RAMP1: variants seen among roughly 807,000 people sequenced by gnomAD.
RAMP1 encodes the protein receptor activity modifying protein 1.
Under a neutral mutation model 8.2 loss-of-function variants are expected in RAMP1, and 7 were observed. That is an observed-to-expected ratio of 0.85 (90% CI 0.49 to 1.60). RAMP1 has a LOEUF of 1.60. Ranked by LOEUF, RAMP1 falls within the 40% of genes most tolerant of loss-of-function variation. The probability of loss-of-function intolerance (pLI) is 0.00; values close to 1 mark genes in which losing one functional copy is unlikely to be tolerated. For missense variants in RAMP1, 192 were observed against 202.4 expected, an observed-to-expected ratio of 0.95 and a Z score of 0.31; for synonymous variants, 92 against 84.7, an observed-to-expected ratio of 1.09 and a Z score of -0.47.
chr2:237,860,336 T>C (rs2062120541), intron 1 of RAMP1, among the ~76,000 whole-genome samples: 1 of 152,246 alleles, frequency 6.6e-6, no homozygotes, highest in Non-Finnish European at 1.5e-5. Flanking sequence ...TTCTTTTTTC[T>C]TTTGGTTTGC....
chr2:237,876,822 A>G (rs1199767102), intron 1 of RAMP1, among the ~76,000 whole-genome samples: 1 of 152,102 alleles, frequency 6.6e-6, no homozygotes, highest in Non-Finnish European at 1.5e-5. Context: ...AGATAGTCAG[A>G]CAGGAGATGT....
chr2:237,889,237 C>G (rs931550727), intron 2 of RAMP1, among the ~76,000 whole-genome samples: 1 of 152,194 alleles, frequency 6.6e-6, no homozygotes, highest in Non-Finnish European at 1.5e-5. Flanking sequence ...GTGTGACCTC[C>G]GCACAGCTGT....
chr2:237,863,291 A>G (rs2062149498), intron 1 of RAMP1, among the ~76,000 whole-genome samples: 1 of 152,132 alleles, frequency 6.6e-6, no homozygotes, highest in Admixed American at 6.5e-5. Flanking sequence ...TTGGTGGCAA[A>G]TGAAGAGGCA....
chr2:237,861,886 C>A (rs1360669523), intron 1 of RAMP1, among the ~76,000 whole-genome samples: 2 of 151,750 alleles, frequency 1.3e-5, no homozygotes, highest in Non-Finnish European at 2.9e-5. Context: ...ATATATAGTT[C>A]TTTTCCCTCT....
intron 1 of RAMP1, among the ~76,000 whole-genome samples, chr2:237,875,260 C>T (rs2062290180): frequency 6.6e-6 from 1 of 152,144 alleles, no homozygotes; most frequent in South Asian, 2.1e-4. Flanking sequence ...GGGGTGCATC[C>T]ACAGCGGGCC....
chr2:237,886,429 CACCT>C (rs1385669963), intron 2 of RAMP1, among the ~76,000 whole-genome samples: 2 of 152,152 alleles, frequency 1.3e-5, no homozygotes, highest in African/African-American at 4.8e-5. Flanking sequence ...GATCTGATGA[CACCT>C]GCCTGCTGGG....
At chr2:237,871,215 A>C (rs568479295) in intron 1 of RAMP1, among the ~76,000 whole-genome samples, 114 of 152,328 alleles carry the variant, frequency 7.5e-4, no homozygotes, top group African/African-American at 2.6e-3. Flanking sequence ...TGCCAGAGAA[A>C]GGAGAGCACC....
intron 2 of RAMP1, among the ~76,000 whole-genome samples, chr2:237,902,519 C>T (rs543211494): frequency 6.6e-6 from 1 of 152,034 alleles, no homozygotes; most frequent in Non-Finnish European, 1.5e-5. Flanking sequence ...CCCCCAGGGC[C>T]CACCCCGCAC....
At chr2:237,886,186 G>T (rs2062430885) in intron 2 of RAMP1, among the ~76,000 whole-genome samples, 1 of 152,142 alleles carries the variant, frequency 6.6e-6, no homozygotes, top group African/African-American at 2.4e-5. Flanking sequence ...GCAGTGGCTG[G>T]GGATATGCCG....
At chr2:237,881,498 AC>A (rs1406514858) in intron 2 of RAMP1, among the ~76,000 whole-genome samples, 5 of 152,238 alleles carry the variant, frequency 3.3e-5, no homozygotes, top group African/African-American at 1.2e-4. Context: ...AGGTTTTGCA[AC>A]GTCCCTCCAG....
At chr2:237,902,677 G>A (rs890314201) in intron 2 of RAMP1, among the ~76,000 whole-genome samples, 12 of 152,256 alleles carry the variant, frequency 7.9e-5, no homozygotes, top group East Asian at 5.8e-4. Context: ...CCCATGAGCC[G>A]CTGTCACCAG....
In RAMP1 at chr2:237,894,175, T is replaced by G. The variant is rs1211675681; in HGVS notation, c.191+16813T>G. 1.3e-5 allele frequency among the ~76,000 whole-genome samples: 2 copies of G among 151,974 alleles called. 1 individual carries two copies. Among genetic ancestry groups the G allele is most frequent in the Non-Finnish European group, 2.9e-5 (2 of 67,996 alleles). On this transcript the variant is annotated intron_variant, in intron 2 of 2. Transcript: ENST00000254661. ...TAGTAGAGACAGGATTTCGCCATGT[T>G]GCCCAGGCTGGTCTTGAACTCCTGA...
chr2:237,865,408 A>G lies in RAMP1; in HGVS notation c.52+5681A>G, dbSNP rs1298406326. The stretch of plus-strand genomic sequence containing the variant: ...ACCCCAGGCCACAGCCAGGGCTGCC[A>G]GGAAACATGGGAGCCCCAGGCAAAC... On this transcript the variant is annotated intron_variant, in intron 1 of 2. Coordinates refer to ENST00000254661, the MANE Select transcript of RAMP1 (RefSeq NM_005855.4). This position sits in a 1 kb window ranked among gnomAD's most constrained non-coding sequence, Gnocchi z 4.2. 6.6e-6 allele frequency among the ~76,000 whole-genome samples: 1 copy of G among 152,014 alleles called. No individual in the cohort carries two copies. Among genetic ancestry groups the G allele is most frequent in the Non-Finnish European group, 1.5e-5 (1 of 67,974 alleles).
chr2:237,911,302 G>A (rs528244194), intron 2 of RAMP1, among the ~76,000 whole-genome samples: 213 of 152,348 alleles, frequency 1.4e-3, no homozygotes, highest in African/African-American at 4.7e-3. Context: ...CCACGGCCAC[G>A]CCAGGGCTTC....
At position 237,878,229 on chromosome 2, in the gene RAMP1, C is replaced by A. The variant is rs567698646; in HGVS notation, c.191+867C>A. ...CGCAGCGCAAGTCCTGGTGCCCCAC[C>A]GATGACAAGCGCTTTCCCCAGTGCC... On this transcript the variant is annotated intron_variant, in intron 2 of 2. Transcript: ENST00000254661. The surrounding 1 kb of genome is among the most constrained non-coding windows in gnomAD (Gnocchi z 5.7). The A allele has an allele frequency of 3.7e-5, 35 of 953,874 alleles. 1 individual carries two copies. The Admixed American group carries it at 2.2e-3, about 59-fold the overall frequency. The allele number at this position is 953,874 out of a possible 1,614,324, so 59.1% of individuals were successfully genotyped here. A position where few individuals can be genotyped will look rare whatever the true frequency, so the allele number is the denominator to read the frequency against.
intron 2 of RAMP1, among the ~76,000 whole-genome samples, chr2:237,892,575 A>G (rs979134389): frequency 1.3e-5 from 2 of 152,008 alleles, no homozygotes; most frequent in Admixed American, 6.6e-5. Context: ...TTTCTCTTCT[A>G]TTATTACTGA....
At position 237,897,747 on chromosome 2, in the gene RAMP1, ATTC is replaced by A. The variant is rs573487773; in HGVS notation, c.192-13775_192-13773del. On this transcript the variant is annotated intron_variant, in intron 2 of 2. Coordinates refer to ENST00000254661, the MANE Select transcript of RAMP1 (RefSeq NM_005855.4). The stretch of plus-strand genomic sequence containing the variant: ...AACACATGCTCTCGTGGATGCTGTC[ATTC>A]TTCTTTTTTTGTTTGTTTTGGTTTT... Among the ~76,000 whole-genome samples the A allele has an allele frequency of 2.4e-3, 343 of 141,478 alleles. 2 individuals are homozygous for A. The highest frequency in any genetic ancestry group is 8.1e-3 in the African/African-American group (313 of 38,628). The allele number at this position is 141,478 out of a possible 152,430, so 92.8% of individuals were successfully genotyped here. A position where few individuals can be genotyped will look rare whatever the true frequency, so the allele number is the denominator to read the frequency against.
chr2:237,892,234 C>T (rs2062494021), intron 2 of RAMP1, among the ~76,000 whole-genome samples: 1 of 151,636 alleles, frequency 6.6e-6, no homozygotes, highest in African/African-American at 2.4e-5. Context: ...TTTTCTTTTC[C>T]CTCAATTGTT....
At chr2:237,866,637 G>A (rs1039798803) in intron 1 of RAMP1, among the ~76,000 whole-genome samples, 15 of 152,058 alleles carry the variant, frequency 9.9e-5, no homozygotes, top group Non-Finnish European at 4.4e-5. Context: ...AAAGCTTAAC[G>A]ACAGCCTACT....
Sources: gnomAD v4.1 joint callset for allele counts (sites outside exome capture counted in the v4.1 genomes callset) on GRCh38, gnomAD v4.1.1 for gene constraint, Gnocchi (gnomAD v3.1) non-coding constraint, MANE v1.5 for transcripts, NCBI Gene and HGNC (gene_info 2026-07-23, HGNC 2026-07-21) for gene names.